Variants in RB1 observed in about 807,000 individuals in gnomAD.
RB1 encodes RB transcriptional corepressor 1, also known as retinoblastoma-associated protein.
Under a neutral mutation model 135.4 loss-of-function variants are expected in RB1, and 18 were observed. The observed-to-expected ratio is 0.13, with a 90% CI of 0.09 to 0.20. The LOEUF (loss-of-function observed/expected upper bound fraction) is 0.20. Among genes scored for constraint, RB1 ranks in the 10% least tolerant of loss-of-function variants. RB1 has a pLI of 1.00. For synonymous variants in RB1, 365 were observed against 373.2 expected (o/e 0.98, Z 0.25); for missense variants, 868 against 1,110.0 (o/e 0.78, Z 3.10).
intron 4 of RB1, among the ~76,000 whole-genome samples, chr13:48,346,420 T>C (rs1952498911): frequency 6.8e-6 from 1 of 147,644 alleles, no homozygotes; most frequent in African/African-American, 2.5e-5. Flanking sequence ...GTGTGGCTTT[T>C]AAAATTTACC....
rs376495678 is a variant in RB1, at chr13:48,453,512, A to T, written c.1814+401A>T. ...CAGTCCATTTGGAGTGAAGCATAGG[A>T]TAAGTGTAGGGAGAAGTATGGGATG... On this transcript the variant is annotated intron_variant, in intron 18 of 26. Transcript: ENST00000267163. Among the ~76,000 whole-genome samples the T allele has an allele frequency of 7.4e-4, 113 of 152,292 alleles. 7 individuals carry two copies. The highest frequency in any genetic ancestry group is 3.5e-3 in the East Asian group (18 of 5,188).
rs1274053422 is a variant in RB1, at chr13:48,368,690, T to A, written c.1127+86T>A. ...TCAGATTTGTTCACGTTTCTTTATG[T>A]ATTCATACATACATGTAAGAAATAT... On this transcript the variant is annotated intron_variant, in intron 11 of 26. Transcript: ENST00000267163. 16 of 1,517,814 alleles carry A rather than the reference T, an allele frequency of 1.1e-5. No homozygotes were observed. In the Admixed American group the frequency reaches 1.1e-4, roughly 11 times the overall value. 94.0% of individuals were successfully genotyped at this position (1,517,814 alleles called of 1,614,324 possible).
At chr13:48,350,888 T>A (rs970195357) in intron 6 of RB1, among the ~76,000 whole-genome samples, 1 of 152,236 alleles carries the variant, frequency 6.6e-6, no homozygotes, top group Non-Finnish European at 1.5e-5. Flanking sequence ...GCTCCATCCA[T>A]GTTCCTGTGA....
At chr13:48,420,121 C>T (rs543577067) in intron 17 of RB1, among the ~76,000 whole-genome samples, 8 of 152,198 alleles carry the variant, frequency 5.3e-5, no homozygotes, top group East Asian at 3.9e-4. Context: ...TGATGAATAT[C>T]GACGTGAAAA....
chr13:48,314,565 C>T (rs938490963), intron 2 of RB1, among the ~76,000 whole-genome samples: 10 of 151,950 alleles, frequency 6.6e-5, no homozygotes, highest in African/African-American at 1.9e-4. Context: ...TTTGGGAGGC[C>T]GAGGTGGGTG....
At position 48,380,227 on chromosome 13, in the gene RB1, T is replaced by A. The variant is rs2138143110; in HGVS notation, c.1484T>A (p.Met495Lys). 6.2e-7 allele frequency: 1 copy of A among 1,601,878 alleles called. No individual in the cohort carries two copies. The highest frequency in any genetic ancestry group is 8.5e-7 in the Non-Finnish European group (1 of 1,170,454). Residue 495 changes from methionine (M) to lysine (K), a missense_variant, in exon 16 of 27, where the codon ATG becomes AAG. By Grantham distance (95) the Met-to-Lys change is moderately conservative. This residue lies in a region of RB1 where 641 missense variants were observed against 791.3 expected (regional missense o/e 0.81). Transcript: ENST00000267163. ...TTGGCGTGCGCTCTTGAGGTTGTAA[T>A]GGCCACATATAGCAGTAAGTTAAAT... Reference protein sequence around the residue: ...SLLACALEVVMATYSRSTSQN... With the variant: ...SLLACALEVVKATYSRSTSQN...
chr13:48,440,322 G>A (rs1233330830), intron 17 of RB1, among the ~76,000 whole-genome samples: 3 of 152,152 alleles, frequency 2.0e-5, no homozygotes, highest in East Asian at 1.9e-4. Context: ...AAATTTGGGA[G>A]ATAACTTTTG....
chr13:48,480,380 G>T lies in RB1; in HGVS notation c.*309G>T. ...GGATAGTAAGAATGGCCCTAGAGTGGGAGTCCTGATAACCCAGGCCTGTCT... is the reference window on the plus strand; with the variant it reads ...GGATAGTAAGAATGGCCCTAGAGTGTGAGTCCTGATAACCCAGGCCTGTCT... On this transcript the variant is annotated 3_prime_UTR_variant, in exon 27 of 27. Coordinates refer to ENST00000267163, the MANE Select transcript of RB1 (RefSeq NM_000321.3). 1 of 423,520 alleles carries T rather than the reference G, an allele frequency of 2.4e-6. No individual in the cohort carries two copies. Among genetic ancestry groups the T allele is most frequent in the Non-Finnish European group, 4.3e-6 (1 of 230,240 alleles). The allele number at this position is 423,520 out of a possible 1,614,324, so 26.2% of individuals were successfully genotyped here. A position where few individuals can be genotyped will look rare whatever the true frequency, so the allele number is the denominator to read the frequency against.
At chr13:48,430,665 AG>A (rs1271321760) in intron 17 of RB1, among the ~76,000 whole-genome samples, 3 of 152,060 alleles carry the variant, frequency 2.0e-5, no homozygotes, top group Admixed American at 6.6e-5. Flanking sequence ...GCTTGAACCC[AG>A]GGGGCGGAGG....
intron 17 of RB1, among the ~76,000 whole-genome samples, chr13:48,410,810 A>T (rs1369105694): frequency 6.6e-6 from 1 of 152,164 alleles, no homozygotes; most frequent in East Asian, 1.9e-4. Context: ...CCAAAATGTT[A>T]TCAATGTGTT....
chr13:48,441,256 C>T (rs1443526996), intron 17 of RB1, among the ~76,000 whole-genome samples: 1 of 152,018 alleles, frequency 6.6e-6, no homozygotes, highest in Non-Finnish European at 1.5e-5. Flanking sequence ...CTCTGGGGTC[C>T]CTTTTATAAG....
At chr13:48,376,579 A>G (rs1264715077) in intron 12 of RB1, among the ~76,000 whole-genome samples, 1 of 152,098 alleles carries the variant, frequency 6.6e-6, no homozygotes, top group Non-Finnish European at 1.5e-5. Context: ...TTCGGAAGCA[A>G]CATACATCCC....
intron 17 of RB1, among the ~76,000 whole-genome samples, chr13:48,443,559 A>G (rs915281436): frequency 6.6e-6 from 1 of 152,222 alleles, no homozygotes; most frequent in African/African-American, 2.4e-5. Context: ...ATACATTCAA[A>G]TAAAACCTTT....
chr13:48,316,921 C>A, intron 2 of RB1: 1 of 365,556 alleles, frequency 2.7e-6, no homozygotes, highest in Non-Finnish European at 5.4e-6. Flanking sequence ...AAGTCACTGG[C>A]GTCACTAACC....
intron 18 of RB1, 34 bp from the exon 19 acceptor site, chr13:48,456,170 T>C: frequency 6.2e-7 from 1 of 1,612,610 alleles, no homozygotes. Flanking sequence ...CTTAGCCAAC[T>C]TGAAATGAAG....
At chr13:48,389,477 A>T (rs1481374171) in intron 17 of RB1, 5 of 152,222 alleles carry the variant, frequency 3.3e-5, no homozygotes, top group Non-Finnish European at 7.4e-5. Flanking sequence ...AGTAGAGGGA[A>T]TATAAACATA....
chr13:48,346,081 T>A (rs536003114), intron 4 of RB1, among the ~76,000 whole-genome samples: 3 of 147,742 alleles, frequency 2.0e-5, no homozygotes, highest in Non-Finnish European at 4.5e-5. Context: ...TTAATTGTAA[T>A]ATGGTAGCAT....
intron 17 of RB1, among the ~76,000 whole-genome samples, chr13:48,397,714 G>A (rs535621629): frequency 2.0e-5 from 3 of 152,210 alleles, no homozygotes; most frequent in East Asian, 3.9e-4. Context: ...GTCATTTTAT[G>A]TATGAGTATA....
At chr13:48,473,080 C>T (rs1949482297) in intron 23 of RB1, among the ~76,000 whole-genome samples, 1 of 152,044 alleles carries the variant, frequency 6.6e-6, no homozygotes, top group African/African-American at 2.4e-5. Flanking sequence ...TAGGGGTAAC[C>T]TTGAAACTTG....
Sources: gnomAD v4.1 joint callset for allele counts (sites outside exome capture counted in the v4.1 genomes callset) on GRCh38, gnomAD v4.1.1 for gene constraint, gnomAD v4.1.1 regional missense constraint, MANE v1.5 for transcripts, NCBI Gene and HGNC (gene_info 2026-07-23, HGNC 2026-07-21) for gene names.